Variants in SEC24D observed in about 807,000 individuals in gnomAD.
SEC24D encodes the protein protein transport protein Sec24D.
A neutral mutation model predicts 116.9 loss-of-function variants in SEC24D; 69 were observed. The observed-to-expected ratio is 0.59, with a 90% CI of 0.49 to 0.72. The LOEUF (loss-of-function observed/expected upper bound fraction) is 0.72. Ranked by LOEUF, SEC24D falls within the 30% of genes least tolerant of loss-of-function variation. The pLI is 0.00. For missense variants in SEC24D, 1,131 were observed against 1,264.1 expected (o/e 0.89, Z 1.60); for synonymous variants, 405 against 442.8 (o/e 0.91, Z 1.07).
chr4:118,769,997 G>A (rs890281229), intron 8 of SEC24D, among the ~76,000 whole-genome samples: 1 of 152,180 alleles, frequency 6.6e-6, no homozygotes, highest in Non-Finnish European at 1.5e-5. Context: ...TTTGACAGGA[G>A]GGCAAGTATG....
intron 20 of SEC24D, among the ~76,000 whole-genome samples, chr4:118,732,514 CA>C (rs1725744436): frequency 6.6e-6 from 1 of 152,184 alleles, no homozygotes; most frequent in Admixed American, 6.5e-5. Flanking sequence ...CAGAACTCCT[CA>C]GATTCCCTCC....
At position 118,739,805 on chromosome 4, in the gene SEC24D, A is replaced by T. The variant is rs571006890; in HGVS notation, c.2239-518T>A. Reference sequence around the variant, plus strand: ...AAAAGTTCTTCTTCAACCTAATGCCAGCCTCTCTTCATCCTTTAAAGATGA... The same window carrying T: ...AAAAGTTCTTCTTCAACCTAATGCCTGCCTCTCTTCATCCTTTAAAGATGA... On this transcript the variant is annotated intron_variant, in intron 17 of 22. Transcript: ENST00000280551. Among the ~76,000 whole-genome samples, 3 of 152,344 alleles carry T rather than the reference A, an allele frequency of 2.0e-5. No homozygotes were observed. In the East Asian group the frequency reaches 5.8e-4, roughly 29 times the overall value.
chr4:118,823,623 C>A (rs929478689), intron 3 of SEC24D, among the ~76,000 whole-genome samples: 1 of 152,348 alleles, frequency 6.6e-6, no homozygotes, highest in Non-Finnish European at 1.5e-5. Context: ...AGCAGCTACA[C>A]CTCACCGGAT....
At chr4:118,803,273 G>T (rs1298989060) in intron 7 of SEC24D, among the ~76,000 whole-genome samples, 1 of 152,116 alleles carries the variant, frequency 6.6e-6, no homozygotes, top group Non-Finnish European at 1.5e-5. Context: ...TATATATATA[G>T]ATTTGACCAC....
chr4:118,723,395 GGAAA>G lies in SEC24D; in HGVS notation c.*116_*119del. On this transcript the variant is annotated 3_prime_UTR_variant, in exon 23 of 23. Transcript: ENST00000280551. The stretch of plus-strand genomic sequence containing the variant: ...GAAGTTCTAAATGCCATCTCTTCCT[GGAAA>G]GTTATTCTGAAAATGAGCAAGAAAT... The G allele has an allele frequency of 2.8e-6, 3 of 1,053,946 alleles. No homozygotes were observed. In the Admixed American group the frequency reaches 7.6e-5, roughly 27 times the overall value. The allele number at this position is 1,053,946 out of a possible 1,614,324, so 65.3% of individuals were successfully genotyped here. A position where few individuals can be genotyped will look rare whatever the true frequency, so the allele number is the denominator to read the frequency against.
chr4:118,738,080 T>C (rs745643018), intron 19 of SEC24D, 181 bp downstream of exon 19: 2 of 517,926 alleles, frequency 3.9e-6, no homozygotes, highest in East Asian at 6.3e-5. Flanking sequence ...CATTTTTAAA[T>C]GTTGGCTATA....
chr4:118,834,466 A>T (rs114924396), intron 1 of SEC24D, among the ~76,000 whole-genome samples: 1 of 152,198 alleles, frequency 6.6e-6, no homozygotes, highest in Admixed American at 6.5e-5. Context: ...CATCACAAAT[A>T]TAACAGACTC....
chr4:118,788,442 T>C (rs1034988340), intron 8 of SEC24D, among the ~76,000 whole-genome samples: 4 of 152,256 alleles, frequency 2.6e-5, no homozygotes, highest in African/African-American at 9.6e-5. Flanking sequence ...ATTTGGCTAC[T>C]GTGCTTTGGA....
At chr4:118,782,171 A>AT (rs1356051152) in intron 8 of SEC24D, among the ~76,000 whole-genome samples, 3 of 152,118 alleles carry the variant, frequency 2.0e-5, no homozygotes, top group Non-Finnish European at 1.5e-5. Flanking sequence ...AGGCACTCTG[A>AT]TTTTTAGAAT....
chr4:118,816,594 G>A (rs1730158604), intron 4 of SEC24D: 1 of 213,360 alleles, frequency 4.7e-6, no homozygotes. Flanking sequence ...CTTCTTTGGA[G>A]ACTTATCCAT....
chr4:118,728,584 G>A lies in SEC24D; in HGVS notation c.2935C>T (p.Gln979Ter). The change falls in exon 22 of 23, where the codon CAA (glutamine) becomes TAA (stop). Residue 979 changes from glutamine (Q) to a stop codon, truncating the protein, a stop_gained. Coordinates refer to ENST00000280551, the MANE Select transcript of SEC24D (RefSeq NM_014822.4). LOFTEE classifies it high-confidence loss of function. ...QLRMIMGIIQ[Q>*]KRPYSMKLTI... ...ACCTTCATTGAATATGGCCTCTTTTGTTGGATAATACCCATTATCATTCTG... is the reference window on the plus strand; with the variant it reads ...ACCTTCATTGAATATGGCCTCTTTTATTGGATAATACCCATTATCATTCTG... The A allele has an allele frequency of 6.2e-7, 1 of 1,604,890 alleles. No homozygotes were observed.
At chr4:118,784,745 C>CCA (rs1553926982) in intron 8 of SEC24D, among the ~76,000 whole-genome samples, 1 of 150,972 alleles carries the variant, frequency 6.6e-6, no homozygotes, top group African/African-American at 2.5e-5. Context: ...CCCTGCCCCC[C>CCA]CCCCCGCCAC....
At chr4:118,815,806 G>A in intron 4 of SEC24D, 80 bp from the exon 5 acceptor site, 1 of 1,473,016 alleles carries the variant, frequency 6.8e-7, no homozygotes, top group Non-Finnish European at 9.2e-7. Context: ...TGACAGAGAT[G>A]TTTGTTTTCC....
chr4:118,826,350 G>C (rs1344048479), intron 2 of SEC24D, among the ~76,000 whole-genome samples: 1 of 152,064 alleles, frequency 6.6e-6, no homozygotes, highest in Non-Finnish European at 1.5e-5. Flanking sequence ...CTAGCTCCAA[G>C]GATTGTTCTG....
intron 8 of SEC24D, among the ~76,000 whole-genome samples, chr4:118,778,592 T>A (rs143355998): frequency 2.0e-5 from 3 of 152,346 alleles, no homozygotes; most frequent in African/African-American, 7.2e-5. Flanking sequence ...CAATGCAGGC[T>A]CTTTTTTGGT....
At position 118,757,768 on chromosome 4, in the gene SEC24D, G is replaced by C; in HGVS notation, c.1374C>G (p.Val458=). The C allele has an allele frequency of 6.2e-7, 1 of 1,611,754 alleles. No individual in the cohort carries two copies. Among genetic ancestry groups the C allele is most frequent in the Non-Finnish European group, 8.5e-7 (1 of 1,179,028 alleles). ...TCTTCAGTTCTTCACATATGAGCTT[G>C]ACAAGTCCATTCTTTATGTTACTAT... is the stretch of plus-strand genomic sequence containing the variant. ...VSYSNIKNGL[V]KLICEELKTM... Residue 458 remains valine (V), a synonymous_variant, in exon 11 of 23, where the codon GTC becomes GTG. Transcript: ENST00000280551.
chr4:118,830,154 T>C (rs1037743207), intron 2 of SEC24D, among the ~76,000 whole-genome samples: 1 of 152,250 alleles, frequency 6.6e-6, no homozygotes, highest in African/African-American at 2.4e-5. Flanking sequence ...GAAAGATATA[T>C]TTGCAGAGAG....
chr4:118,723,514 A>G lies in SEC24D; in HGVS notation c.*1T>C, dbSNP rs1486077264. On this transcript the variant is annotated 3_prime_UTR_variant, in exon 23 of 23. Transcript: ENST00000280551. ...CAACATCAATGACAGAGAAGTTTCA[A>G]TTAATTAAGCAGCTGACAGATCTCC... 1.2e-6 allele frequency: 2 copies of G among 1,607,002 alleles called. No homozygotes were observed. The highest frequency in any genetic ancestry group is 1.7e-6 in the Non-Finnish European group (2 of 1,177,788).
At chr4:118,776,808 G>A (rs1457912380) in intron 8 of SEC24D, among the ~76,000 whole-genome samples, 1 of 152,090 alleles carries the variant, frequency 6.6e-6, no homozygotes, top group Non-Finnish European at 1.5e-5. Flanking sequence ...ACACTTCATT[G>A]TTACAATAAT....
Sources: allele counts gnomAD v4.1 joint callset (sites outside exome capture counted in the v4.1 genomes callset), GRCh38; gene constraint gnomAD v4.1.1; transcripts MANE v1.5; gene names NCBI Gene and HGNC (gene_info 2026-07-23, HGNC 2026-07-21).